TXNDC16: variants seen among roughly 807,000 people sequenced by gnomAD.
TXNDC16 encodes the protein thioredoxin domain containing 16, also known as thioredoxin domain-containing protein 16.
TXNDC16 carries 74 observed loss-of-function variants against 85.6 expected under a neutral mutation model. The observed-to-expected ratio is 0.86, with a 90% CI of 0.72 to 1.05. The LOEUF (loss-of-function observed/expected upper bound fraction) is 1.05. Among genes scored for constraint, TXNDC16 ranks in the 50% least tolerant of loss-of-function variants. The pLI is 0.00. For missense variants in TXNDC16, 959 were observed against 947.0 expected (o/e 1.01, Z -0.17); for synonymous variants, 335 against 326.5 (o/e 1.03, Z -0.28).
intron 9 of TXNDC16, among the ~76,000 whole-genome samples, chr14:52,508,740 A>G (rs1182878493): frequency 6.6e-6 from 1 of 152,242 alleles, no homozygotes; most frequent in Non-Finnish European, 1.5e-5. Flanking sequence ...GCAGCCTTAA[A>G]AAATGATGAG....
intron 4 of TXNDC16, among the ~76,000 whole-genome samples, chr14:52,541,620 A>G (rs1373118496): frequency 6.6e-6 from 1 of 152,254 alleles, no homozygotes; most frequent in East Asian, 1.9e-4. Flanking sequence ...GCAGAGACCA[A>G]GAGCGACCAT....
chr14:52,450,320 T>C (rs546261431), intron 18 of TXNDC16, among the ~76,000 whole-genome samples: 1 of 151,738 alleles, frequency 6.6e-6, no homozygotes, highest in South Asian at 2.1e-4. Context: ...GCCAATAAAT[T>C]GGAAAATTTA....
rs114343649 is a variant in TXNDC16 at position 52,450,546 on chromosome 14, C to T, written c.1842+4778G>A. ...ACTAATACCAATTATCAGGGAAATA[C>T]AAATCAAAACCGCAATGCAATTCCA... On this transcript the variant is annotated intron_variant, in intron 18 of 20. Transcript: ENST00000281741. Among the ~76,000 whole-genome samples, 294 of 150,616 alleles carry T rather than the reference C, an allele frequency of 2.0e-3. 3 individuals carry two copies. The highest frequency in any genetic ancestry group is 6.9e-3 in the African/African-American group (286 of 41,192).
intron 9 of TXNDC16, among the ~76,000 whole-genome samples, chr14:52,494,539 G>GC (rs992265448): frequency 6.6e-6 from 1 of 151,000 alleles, no homozygotes; most frequent in Admixed American, 6.6e-5. Flanking sequence ...AAAAATGCCT[G>GC]TTTTTTTTTC....
intron 9 of TXNDC16, among the ~76,000 whole-genome samples, chr14:52,493,532 TA>T (rs2036461931): frequency 6.6e-6 from 1 of 151,340 alleles, no homozygotes; most frequent in African/African-American, 2.4e-5. Flanking sequence ...ACAACAGAAA[TA>T]GATGGAAGAT....
chr14:52,443,207 A>C (rs1312323360), intron 18 of TXNDC16, among the ~76,000 whole-genome samples: 1 of 152,098 alleles, frequency 6.6e-6, no homozygotes, highest in African/African-American at 2.4e-5. Context: ...GACAGAAAAA[A>C]GTGTAAAGAC....
Position 52,482,309 on chromosome 14 carries a change from T to G in TXNDC16, c.1253-20A>C, listed in dbSNP as rs1181592009. 6.2e-7 allele frequency: 1 copy of G among 1,600,966 alleles called. No homozygotes were observed. The highest frequency in any genetic ancestry group is 8.5e-7 in the Non-Finnish European group (1 of 1,170,928). On this transcript the variant is annotated intron_variant, in intron 13 of 20. Coordinates refer to ENST00000281741, the MANE Select transcript of TXNDC16 (RefSeq NM_020784.3). ...CTTGCCCTATATGAAAATTAAAAAT[T>G]CAACAGATATTACATGTATATCTAC...
chr14:52,500,867 C>A (rs1490330419), intron 9 of TXNDC16, among the ~76,000 whole-genome samples: 1 of 152,128 alleles, frequency 6.6e-6, no homozygotes, highest in Non-Finnish European at 1.5e-5. Context: ...ACTTACCCAT[C>A]TTTTAACATT....
intron 4 of TXNDC16, among the ~76,000 whole-genome samples, chr14:52,539,295 A>G (rs2037774995): frequency 6.6e-6 from 1 of 152,224 alleles, no homozygotes; most frequent in South Asian, 2.1e-4. Flanking sequence ...AGTAATGCAT[A>G]AAAGTATACA....
chr14:52,466,630 G>A (rs1211939395), intron 16 of TXNDC16, among the ~76,000 whole-genome samples: 1 of 151,936 alleles, frequency 6.6e-6, no homozygotes, highest in Non-Finnish European at 1.5e-5. Context: ...ACTTTGGGAG[G>A]CCGAGATAGG....
chr14:52,530,177 T>C (rs1448222503), intron 6 of TXNDC16, among the ~76,000 whole-genome samples: 2 of 87,430 alleles, frequency 2.3e-5, no homozygotes. Context: ...TTATATTATA[T>C]ATAAATATAT....
In TXNDC16 at chr14:52,520,376, C is replaced by T. The variant is rs573732026; in HGVS notation, c.393-1083G>A. Reference sequence around the variant, plus strand: ...CAGTGGCTCAAGCCTGTAATCCCAGCACTTTGGGAGGCCGAGGCGGGCGGA... The same window carrying T: ...CAGTGGCTCAAGCCTGTAATCCCAGTACTTTGGGAGGCCGAGGCGGGCGGA... On this transcript the variant is annotated intron_variant, in intron 6 of 20. Transcript: ENST00000281741. Among the ~76,000 whole-genome samples, 11 of 152,304 alleles carry T rather than the reference C, an allele frequency of 7.2e-5. No homozygotes were observed. In the South Asian group the frequency reaches 2.3e-3, roughly 32 times the overall value.
At chr14:52,458,846 A>G (rs1408859309) in intron 16 of TXNDC16, among the ~76,000 whole-genome samples, 2 of 152,214 alleles carry the variant, frequency 1.3e-5, no homozygotes, top group African/African-American at 4.8e-5. Flanking sequence ...ACTTATGAAT[A>G]TGTCTCTTAA....
In TXNDC16 at chr14:52,439,371, C is replaced by T. The variant is rs374110782; in HGVS notation, c.2027G>A (p.Gly676Glu). 3.7e-6 allele frequency: 6 copies of T among 1,613,662 alleles called. No individual in the cohort carries two copies. The change falls in exon 20 of 21, where the codon GGA (glycine) becomes GAA (glutamate). Residue 676 changes from glycine (G) to glutamate (E), a missense_variant. Coordinates refer to ENST00000281741, the MANE Select transcript of TXNDC16 (RefSeq NM_020784.3). ...LNLKNTPVGR[G>E]ILRAYFDPLP... ...AGGATCAAAATATGCCCTCAAGATT[C>T]CTCTCCCCACTGGAGTATTCTTTCT...
chr14:52,471,565 T>C (rs904334016), intron 14 of TXNDC16, among the ~76,000 whole-genome samples: 9 of 152,162 alleles, frequency 5.9e-5, no homozygotes, highest in African/African-American at 1.9e-4. Context: ...CTTTTCCTTA[T>C]CTCCTTATGT....
intron 6 of TXNDC16, among the ~76,000 whole-genome samples, chr14:52,520,394 C>A (rs1456998577): frequency 1.3e-5 from 2 of 152,124 alleles, no homozygotes; most frequent in Admixed American, 1.3e-4. Flanking sequence ...GAGGCCGAGG[C>A]GGGCGGATCA....
At chr14:52,502,638 C>G (rs576729164) in intron 9 of TXNDC16, among the ~76,000 whole-genome samples, 2 of 152,256 alleles carry the variant, frequency 1.3e-5, no homozygotes, top group South Asian at 2.1e-4. Flanking sequence ...TCTACAGCTC[C>G]CAGAGTGAGC....
intron 14 of TXNDC16, among the ~76,000 whole-genome samples, chr14:52,480,591 C>A (rs1479587344): frequency 6.6e-6 from 1 of 152,000 alleles, no homozygotes; most frequent in Non-Finnish European, 1.5e-5. Context: ...CACCAATGAT[C>A]AGGGAAATGC....
chr14:52,512,702 C>T (rs951733541), intron 8 of TXNDC16, among the ~76,000 whole-genome samples: 2 of 152,120 alleles, frequency 1.3e-5, no homozygotes, highest in African/African-American at 4.8e-5. Flanking sequence ...AAGAGAATCT[C>T]ACAGAATATA....
Sources: gnomAD v4.1 joint callset for allele counts (sites outside exome capture counted in the v4.1 genomes callset) on GRCh38, gnomAD v4.1.1 for gene constraint, MANE v1.5 for transcripts, NCBI Gene and HGNC (gene_info 2026-07-23, HGNC 2026-07-21) for gene names.